The following DOCK3 variants were observed in gnomAD, a reference collection of about 807,000 sequenced individuals.
The protein encoded by DOCK3 is dedicator of cytokinesis protein 3.
In DOCK3, 60 loss-of-function variants were observed where a neutral mutation model predicts 265.6. The observed-to-expected ratio is 0.23, with a 90% CI of 0.18 to 0.28. DOCK3 has a LOEUF of 0.28. Ranked by LOEUF, DOCK3 falls within the 10% of genes least tolerant of loss-of-function variation. DOCK3 has a pLI of 1.00. For missense variants in DOCK3, 1,981 were observed against 2,594.3 expected (o/e 0.76, Z 5.14); for synonymous variants, 881 against 938.0 (o/e 0.94, Z 1.11).
intron 9 of DOCK3, among the ~76,000 whole-genome samples, chr3:51,141,665 T>C (rs2085074328): frequency 6.6e-6 from 1 of 152,184 alleles, no homozygotes; most frequent in South Asian, 2.1e-4. Context: ...AGATATGATC[T>C]GATTCGTATT....
At chr3:51,366,097 G>T (rs1220852224) in intron 49 of DOCK3, among the ~76,000 whole-genome samples, 1 of 152,178 alleles carries the variant, frequency 6.6e-6, no homozygotes, top group Admixed American at 6.5e-5. Flanking sequence ...GTCGAATTCG[G>T]CTGTGAATCC....
chr3:51,103,318 A>T (rs967645930), intron 9 of DOCK3, among the ~76,000 whole-genome samples: 2 of 152,192 alleles, frequency 1.3e-5, no homozygotes, highest in Non-Finnish European at 2.9e-5. Context: ...TGACATGCTC[A>T]TGCACAAAAA....
chr3:50,948,415 T>TC (rs1398981890), intron 5 of DOCK3, among the ~76,000 whole-genome samples: 3 of 145,546 alleles, frequency 2.1e-5, no homozygotes, highest in Non-Finnish European at 4.5e-5. Flanking sequence ...TTTTTTTTTT[T>TC]TTTTTTTAGT....
intron 14 of DOCK3, among the ~76,000 whole-genome samples, chr3:51,216,471 G>A (rs2089794887): frequency 6.6e-6 from 1 of 152,188 alleles, no homozygotes; most frequent in Admixed American, 6.5e-5. Flanking sequence ...GGCAGTCCTG[G>A]CAGGCCCAGG....
intron 27 of DOCK3, among the ~76,000 whole-genome samples, chr3:51,290,840 G>A (rs1216786721): frequency 6.6e-6 from 1 of 152,190 alleles, no homozygotes; most frequent in Non-Finnish European, 1.5e-5. Flanking sequence ...CAGCACTGTA[G>A]GAGGCCAAGG....
intron 6 of DOCK3, among the ~76,000 whole-genome samples, chr3:51,072,539 G>A (rs528133043): frequency 2.0e-5 from 3 of 152,018 alleles, no homozygotes; most frequent in East Asian, 1.9e-4. Flanking sequence ...CTCCCAAGTA[G>A]CAGGGATTAC....
intron 23 of DOCK3, among the ~76,000 whole-genome samples, chr3:51,263,536 C>T (rs2079980806): frequency 6.6e-6 from 1 of 152,194 alleles, no homozygotes; most frequent in Admixed American, 6.5e-5. Context: ...AACCAGCTAG[C>T]ATCATAATGA....
intron 1 of DOCK3, among the ~76,000 whole-genome samples, chr3:50,731,203 A>G (rs1449542960): frequency 6.6e-6 from 1 of 152,178 alleles, no homozygotes; most frequent in Non-Finnish European, 1.5e-5. Flanking sequence ...TAAATTCAGC[A>G]TTATATAAAA....
intron 5 of DOCK3, among the ~76,000 whole-genome samples, chr3:51,013,173 G>A (rs772933507): frequency 4.6e-5 from 7 of 152,084 alleles, no homozygotes; most frequent in African/African-American, 7.2e-5. Context: ...GTTGTTCTCC[G>A]TCCTGCTTTG....
chr3:50,719,885 T>C (rs2037365578), intron 1 of DOCK3: 1 of 643,132 alleles, frequency 1.6e-6, no homozygotes, highest in Non-Finnish European at 2.9e-6. Context: ...TTCTGCTGTT[T>C]TTGAAACTTT....
intron 12 of DOCK3, 142 bp downstream of exon 12, chr3:51,160,844 A>G (rs1018797166): frequency 1.0e-4 from 105 of 1,013,628 alleles, no homozygotes; most frequent in Non-Finnish European, 1.1e-4. Context: ...TGGGAGGCCA[A>G]GGTGGGCAAA....
At chr3:50,729,460 A>C (rs1335014601) in intron 1 of DOCK3, among the ~76,000 whole-genome samples, 1 of 151,682 alleles carries the variant, frequency 6.6e-6, no homozygotes, top group Non-Finnish European at 1.5e-5. Context: ...ACATATGTAT[A>C]CATGTGCCAT....
chr3:50,819,648 C>A (rs1424266911), intron 2 of DOCK3, among the ~76,000 whole-genome samples: 1 of 152,142 alleles, frequency 6.6e-6, no homozygotes, highest in African/African-American at 2.4e-5. Context: ...ACACTCCCAC[C>A]AGTGCCATGA....
At chr3:50,798,699 A>C (rs1025457695) in intron 2 of DOCK3, among the ~76,000 whole-genome samples, 2 of 151,642 alleles carry the variant, frequency 1.3e-5, no homozygotes, top group African/African-American at 4.8e-5. Context: ...TTTTCACTTT[A>C]TTATTTCCTT....
In DOCK3 at chr3:51,128,590, C is replaced by T. The variant is rs1167527079; in HGVS notation, c.747-17959C>T. 2.6e-5 allele frequency among the ~76,000 whole-genome samples: 4 copies of T among 152,176 alleles called. No homozygotes were observed. The East Asian group carries it at 7.7e-4, about 29-fold the overall frequency. On this transcript the variant is annotated intron_variant, in intron 9 of 52. Transcript: ENST00000266037. ...GTAGTCTTGGCAGAATCATTGCTTG[C>T]AGGATAGGCAAACCCATATCCAGAG...
intron 1 of DOCK3, among the ~76,000 whole-genome samples, chr3:50,720,353 G>A (rs1455074408): frequency 6.6e-6 from 1 of 152,024 alleles, no homozygotes; most frequent in Non-Finnish European, 1.5e-5. Context: ...TGTATACTCA[G>A]TGTTTAGCTC....
intron 27 of DOCK3, among the ~76,000 whole-genome samples, chr3:51,308,807 GGGGC>G (rs1398439442): frequency 7.0e-6 from 1 of 142,182 alleles, no homozygotes; most frequent in African/African-American, 2.5e-5. Context: ...GCCGGGCGGA[GGGGC>G]TCCTCACTTC....
intron 5 of DOCK3, among the ~76,000 whole-genome samples, chr3:50,939,537 A>G (rs946743756): frequency 3.3e-5 from 5 of 152,118 alleles, no homozygotes; most frequent in Non-Finnish European, 7.4e-5. Flanking sequence ...TACCATGGCC[A>G]GTGGGGTTTA....
chr3:51,068,873 A>G (rs1470806128), intron 6 of DOCK3, among the ~76,000 whole-genome samples: 1 of 152,226 alleles, frequency 6.6e-6, no homozygotes, highest in African/African-American at 2.4e-5. Context: ...ATATTCAGTT[A>G]GAACTTCCAA....
Sources: allele counts gnomAD v4.1 joint callset (sites outside exome capture counted in the v4.1 genomes callset), GRCh38; gene constraint gnomAD v4.1.1; transcripts MANE v1.5; gene names NCBI Gene and HGNC (gene_info 2026-07-23, HGNC 2026-07-21).